FHOD3: variants seen among roughly 807,000 people sequenced by gnomAD.
FHOD3 encodes the protein FH1/FH2 domain-containing protein 3.
In FHOD3, 90 loss-of-function variants were observed where a neutral mutation model predicts 173.0. That is an observed-to-expected ratio of 0.52 (90% CI 0.44 to 0.62). The LOEUF is 0.62. Among genes scored for constraint, FHOD3 ranks in the 20% least tolerant of loss-of-function variants. FHOD3 has a pLI of 0.00. For synonymous variants in FHOD3, 828 were observed against 823.0 expected, an observed-to-expected ratio of 1.01 and a Z score of -0.10; for missense variants, 1,945 against 2,034.7, an observed-to-expected ratio of 0.96 and a Z score of 0.85.
intron 28 of FHOD3, among the ~76,000 whole-genome samples, chr18:36,776,015 G>A (rs568501356): frequency 2.0e-5 from 3 of 152,288 alleles, no homozygotes; most frequent in East Asian, 1.9e-4. Context: ...ATGAGGAGTC[G>A]GGAGAGGCCC....
At chr18:36,389,888 G>A (rs960125222) in intron 3 of FHOD3, among the ~76,000 whole-genome samples, 1 of 152,112 alleles carries the variant, frequency 6.6e-6, no homozygotes, top group Admixed American at 6.5e-5. Flanking sequence ...CCTATTCTGA[G>A]GACCCTCAAG....
chr18:36,586,439 T>G (rs1262506371), intron 6 of FHOD3, among the ~76,000 whole-genome samples: 14 of 152,184 alleles, frequency 9.2e-5, no homozygotes. Flanking sequence ...AATATCTTAG[T>G]GCAGGGATTT....
At chr18:36,612,824 A>G (rs1436551887) in intron 9 of FHOD3, among the ~76,000 whole-genome samples, 1 of 152,206 alleles carries the variant, frequency 6.6e-6, no homozygotes, top group Non-Finnish European at 1.5e-5. Flanking sequence ...GTTCTTACCA[A>G]AACAGCAGAA....
intron 7 of FHOD3, among the ~76,000 whole-genome samples, chr18:36,595,525 T>C (rs2030194830): frequency 6.6e-6 from 1 of 152,116 alleles, no homozygotes; most frequent in South Asian, 2.1e-4. Flanking sequence ...ACCTTGGGCA[T>C]GTGCTTTTAA....
intron 1 of FHOD3, among the ~76,000 whole-genome samples, chr18:36,307,315 G>A (rs1258559450): frequency 2.6e-5 from 4 of 152,120 alleles, no homozygotes; most frequent in Non-Finnish European, 4.4e-5. Flanking sequence ...TGGAGCGATG[G>A]TCCTCATATC....
At chr18:36,560,981 C>T (rs962939921) in intron 5 of FHOD3, among the ~76,000 whole-genome samples, 5 of 152,046 alleles carry the variant, frequency 3.3e-5, no homozygotes, top group Non-Finnish European at 5.9e-5. Flanking sequence ...ATACCCCAAC[C>T]CTCATGAAAT....
chr18:36,346,772 C>T (rs1458745829), intron 1 of FHOD3, among the ~76,000 whole-genome samples: 1 of 152,188 alleles, frequency 6.6e-6, no homozygotes, highest in Non-Finnish European at 1.5e-5. Context: ...CACAGCCATT[C>T]CATTTCATGG....
At chr18:36,528,742 A>C (rs2056644696) in intron 5 of FHOD3, among the ~76,000 whole-genome samples, 1 of 152,232 alleles carries the variant, frequency 6.6e-6, no homozygotes, top group Admixed American at 6.5e-5. Flanking sequence ...TATGGCATTA[A>C]AAGAAGAACA....
intron 9 of FHOD3, among the ~76,000 whole-genome samples, chr18:36,617,420 T>C (rs1372182334): frequency 6.6e-6 from 1 of 152,194 alleles, no homozygotes; most frequent in African/African-American, 2.4e-5. Context: ...CTCAGCAGTT[T>C]TGAGACCTGT....
In FHOD3 at chr18:36,730,669, G is replaced by A. The variant is rs768444846; in HGVS notation, c.3441G>A (p.Arg1147=). ...VSKKTAADGK[R]QEIIVLDSKR... is the part of the protein sequence containing the mutation. ...AGAAAACTGCTGCAGATGGAAAAAG[G>A]CAAGAGATCATTGTTCTGGATTCCA... Residue 1147 remains arginine, a synonymous_variant, in exon 20 of 29, where the codon AGG becomes AGA. Transcript: ENST00000590592. The A allele has an allele frequency of 8.7e-6, 14 of 1,613,530 alleles. No individual in the cohort carries two copies. Among genetic ancestry groups the A allele is most frequent in the Non-Finnish European group, 1.2e-5 (14 of 1,179,848 alleles).
intron 3 of FHOD3, among the ~76,000 whole-genome samples, chr18:36,448,286 G>A (rs77139872): frequency 0.023 from 3,440 of 152,294 alleles, 122 homozygotes; most frequent in African/African-American, 0.078. Context: ...TTCTGTGTAG[G>A]TTCATAAAGG....
chr18:36,334,430 C>T (rs1471938354), intron 1 of FHOD3, among the ~76,000 whole-genome samples: 2 of 152,332 alleles, frequency 1.3e-5, no homozygotes, highest in African/African-American at 4.8e-5. Flanking sequence ...GTTTTTGAGA[C>T]AGAAGCCATC....
chr18:36,712,547 A>G (rs1465016708), intron 18 of FHOD3, among the ~76,000 whole-genome samples: 2 of 152,180 alleles, frequency 1.3e-5, no homozygotes, highest in African/African-American at 4.8e-5. Flanking sequence ...ACTCAAAAAC[A>G]AATCAGTGGA....
chr18:36,396,056 C>T (rs1399164757), intron 3 of FHOD3, among the ~76,000 whole-genome samples: 1 of 152,088 alleles, frequency 6.6e-6, no homozygotes, highest in African/African-American at 2.4e-5. Context: ...TGTATAATAT[C>T]CTTGGCCAAC....
intron 3 of FHOD3, among the ~76,000 whole-genome samples, chr18:36,489,787 T>C (rs1056045342): frequency 4.4e-4 from 67 of 152,286 alleles, no homozygotes; most frequent in African/African-American, 1.5e-3. Context: ...ATTATGAAAG[T>C]CCATCACTAA....
intron 3 of FHOD3, among the ~76,000 whole-genome samples, chr18:36,432,316 A>T (rs951858987): frequency 6.6e-6 from 1 of 152,044 alleles, no homozygotes; most frequent in Non-Finnish European, 1.5e-5. Flanking sequence ...TTAAAAAAAA[A>T]TTTAAATAGG....
chr18:36,751,792 G>A (rs56178761), intron 24 of FHOD3, among the ~76,000 whole-genome samples: 19,652 of 151,830 alleles, frequency 0.13, 1,399 homozygotes, highest in Admixed American at 0.16. Flanking sequence ...TTATCCTTTT[G>A]TACTCTCTGG....
chr18:36,691,759 G>A (rs1007480954), intron 16 of FHOD3, among the ~76,000 whole-genome samples: 10 of 152,220 alleles, frequency 6.6e-5, no homozygotes, highest in African/African-American at 2.2e-4. Flanking sequence ...TGGGCTGCAG[G>A]TGGACCTCTG....
intron 10 of FHOD3, among the ~76,000 whole-genome samples, chr18:36,634,714 G>A (rs1247567248): frequency 6.6e-6 from 1 of 152,156 alleles, no homozygotes; most frequent in Admixed American, 6.5e-5. Context: ...TCAGGATGAT[G>A]GTACCTGTAC....
Sources: gnomAD v4.1 joint callset for allele counts (sites outside exome capture counted in the v4.1 genomes callset) on GRCh38, gnomAD v4.1.1 for gene constraint, MANE v1.5 for transcripts, NCBI Gene and HGNC (gene_info 2026-07-23, HGNC 2026-07-21) for gene names.